The following CRPPA variants were observed in gnomAD, a reference collection of about 807,000 sequenced individuals.
CRPPA encodes the protein D-ribitol-5-phosphate cytidylyltransferase.
A neutral mutation model predicts 52.0 loss-of-function variants in CRPPA; 43 were observed. The observed-to-expected ratio is 0.83, with a 90% CI of 0.65 to 1.07. The LOEUF (loss-of-function observed/expected upper bound fraction) is 1.07. Among genes scored for constraint, CRPPA ranks in the 50% least tolerant of loss-of-function variants. The pLI, the probability that CRPPA is intolerant of heterozygous loss-of-function variation, is 0.00. For missense variants in CRPPA, 629 were observed against 551.7 expected (o/e 1.14, Z -1.40); for synonymous variants, 250 against 203.5 (o/e 1.23, Z -1.94).
chr7:16,205,153 AC>A (rs1293465910), intron 9 of CRPPA, among the ~76,000 whole-genome samples: 2 of 152,202 alleles, frequency 1.3e-5, no homozygotes, highest in African/African-American at 4.8e-5. Context: ...TGAATTCACA[AC>A]AACGGCCACA....
At chr7:16,130,395 T>A (rs1004647766) in intron 9 of CRPPA, among the ~76,000 whole-genome samples, 9 of 152,022 alleles carry the variant, frequency 5.9e-5, no homozygotes, top group African/African-American at 1.9e-4. Flanking sequence ...AAACTGAGTT[T>A]CTATAGTGAA....
chr7:16,333,339 A>C (rs962588140), intron 3 of CRPPA, among the ~76,000 whole-genome samples: 2 of 152,222 alleles, frequency 1.3e-5, no homozygotes, highest in African/African-American at 4.8e-5. Flanking sequence ...ACTCATATGA[A>C]GCATTCACCA....
At chr7:16,260,570 A>G (rs899171521) in intron 6 of CRPPA, among the ~76,000 whole-genome samples, 1 of 152,022 alleles carries the variant, frequency 6.6e-6, no homozygotes, top group East Asian at 1.9e-4. Context: ...TCTTCCACCA[A>G]TATCTATGAT....
chr7:16,351,383 T>C (rs1786148409), intron 3 of CRPPA, among the ~76,000 whole-genome samples: 1 of 152,150 alleles, frequency 6.6e-6, no homozygotes, highest in East Asian at 1.9e-4. Flanking sequence ...CCAAAAGCAA[T>C]GGCAACAAAA....
At chr7:16,245,016 T>G (rs1375605917) in intron 8 of CRPPA, among the ~76,000 whole-genome samples, 1 of 151,914 alleles carries the variant, frequency 6.6e-6, no homozygotes, top group Non-Finnish European at 1.5e-5. Context: ...TCTTTTCAAA[T>G]TTTAAAGTTT....
intron 9 of CRPPA, among the ~76,000 whole-genome samples, chr7:16,205,465 T>C (rs1334543000): frequency 2.0e-5 from 3 of 152,194 alleles, no homozygotes; most frequent in Non-Finnish European, 4.4e-5. Context: ...ACCAGTTGTG[T>C]TTATGCAGTT....
chr7:16,131,305 G>A (rs1782676553), intron 9 of CRPPA, among the ~76,000 whole-genome samples: 1 of 152,154 alleles, frequency 6.6e-6, no homozygotes, highest in Non-Finnish European at 1.5e-5. Context: ...GAAAGCTATA[G>A]AGAAAGCTTT....
chr7:16,357,730 G>A (rs1343350650), intron 3 of CRPPA, among the ~76,000 whole-genome samples: 2 of 152,186 alleles, frequency 1.3e-5, no homozygotes, highest in Non-Finnish European at 2.9e-5. Flanking sequence ...CATATAAGGT[G>A]TTAACTATGG....
At chr7:16,253,060 T>C (rs557928786) in intron 8 of CRPPA, among the ~76,000 whole-genome samples, 194 of 152,348 alleles carry the variant, frequency 1.3e-3, no homozygotes, top group African/African-American at 4.2e-3. Flanking sequence ...AACCAGCTCC[T>C]GGATTCATTG....
In CRPPA at chr7:16,154,176, G is replaced by A. The variant is rs137948275; in HGVS notation, c.1251+61890C>T. Among the ~76,000 whole-genome samples the A allele has an allele frequency of 5.5e-3, 842 of 151,780 alleles. 7 individuals carry two copies. Among genetic ancestry groups the A allele is most frequent in the African/African-American group, 0.019 (783 of 41,382 alleles). ...AACAAAAATGCAGTTTTTGTTTCAA[G>A]AAATTTAAATATAAATACATTTATT... On this transcript the variant is annotated intron_variant, in intron 9 of 9. Coordinates refer to ENST00000407010, the MANE Select transcript of CRPPA (RefSeq NM_001101426.4).
chr7:16,320,414 A>C (rs1204025576), intron 3 of CRPPA, among the ~76,000 whole-genome samples: 1 of 152,184 alleles, frequency 6.6e-6, no homozygotes, highest in Non-Finnish European at 1.5e-5. Context: ...TTTTCTGAGA[A>C]GGGATTCTAC....
chr7:16,172,166 A>G (rs535543511), intron 9 of CRPPA, among the ~76,000 whole-genome samples: 1 of 152,310 alleles, frequency 6.6e-6, no homozygotes, highest in South Asian at 2.1e-4. Context: ...CTTGCCCACC[A>G]TAGATAAGGC....
intron 9 of CRPPA, among the ~76,000 whole-genome samples, chr7:16,136,813 C>T (rs908567565): frequency 6.6e-6 from 1 of 152,172 alleles, no homozygotes; most frequent in African/African-American, 2.4e-5. Context: ...ATTTTGTACA[C>T]ATAGATCTCT....
At chr7:16,410,225 C>A (rs530299009) in intron 1 of CRPPA, among the ~76,000 whole-genome samples, 4 of 152,218 alleles carry the variant, frequency 2.6e-5, no homozygotes, top group East Asian at 1.9e-4. Flanking sequence ...TTATCACAAT[C>A]AAAAATAATT....
Position 16,406,172 on chromosome 7 carries a change from C to A in CRPPA, c.423G>T (p.Gln141His), listed in dbSNP as rs1243337038. 5 of 1,613,852 alleles carry A rather than the reference C, an allele frequency of 3.1e-6. No homozygotes were observed. Among genetic ancestry groups the A allele is most frequent in the Non-Finnish European group, 4.2e-6 (5 of 1,179,890 alleles). Residue 141 changes from glutamine (Q) to histidine (H), a missense_variant, in exon 2 of 10, where the codon CAG (glutamine) becomes CAT (histidine). Physicochemically the swap from Gln to His is conservative, Grantham distance 24. Coordinates refer to ENST00000407010, the MANE Select transcript of CRPPA (RefSeq NM_001101426.4). ...CTGGCTTAGAGAGTTTAGAGTTGAT[C>A]TGATCTTCTGCCAGTGCTTTTAGTC... Reference protein sequence around the residue: ...FNGLKALAEDQINSKLSKPEV... With the variant: ...FNGLKALAEDHINSKLSKPEV...
chr7:16,218,913 A>G lies in CRPPA; in HGVS notation c.1120-2716T>C, dbSNP rs980622470. Among the ~76,000 whole-genome samples, 22 of 152,140 alleles carry G rather than the reference A, an allele frequency of 1.4e-4. No individual in the cohort carries two copies. In the Middle Eastern group the frequency reaches 0.014, roughly 94 times the overall value. On this transcript the variant is annotated intron_variant, in intron 8 of 9. Coordinates refer to ENST00000407010, the MANE Select transcript of CRPPA (RefSeq NM_001101426.4). ...CAGAAAGTCAACAAGGATACTCAGG[A>G]ATTGAACTCAGCTCTGCACCAAGCA...
At chr7:16,339,378 G>A (rs1785766037) in intron 3 of CRPPA, among the ~76,000 whole-genome samples, 2 of 152,044 alleles carry the variant, frequency 1.3e-5, no homozygotes. Context: ...AGGTGTTTAA[G>A]GCTCATTTAA....
At chr7:16,119,666 A>G (rs898667003) in intron 9 of CRPPA, among the ~76,000 whole-genome samples, 5 of 152,214 alleles carry the variant, frequency 3.3e-5, no homozygotes, top group African/African-American at 1.2e-4. Context: ...GTTTGCACCA[A>G]AAGAAACTTT....
chr7:16,304,944 C>T (rs949367728), intron 4 of CRPPA, among the ~76,000 whole-genome samples: 3 of 152,178 alleles, frequency 2.0e-5, no homozygotes, highest in African/African-American at 7.2e-5. Context: ...CATGGCCATG[C>T]CATCTGAGTC....
Sources: gnomAD v4.1 joint callset for allele counts (sites outside exome capture counted in the v4.1 genomes callset) on GRCh38, gnomAD v4.1.1 for gene constraint, MANE v1.5 for transcripts, NCBI Gene and HGNC (gene_info 2026-07-23, HGNC 2026-07-21) for gene names.